Variants in RDH14 observed in about 807,000 individuals in gnomAD.
RDH14 encodes the protein alcohol dehydrogenase PAN2.
A neutral mutation model predicts 19.3 loss-of-function variants in RDH14; 17 were observed. The ratio of observed to expected loss-of-function variants is 0.88; its 90% CI spans 0.60 to 1.32. The LOEUF (loss-of-function observed/expected upper bound fraction) is 1.32. RDH14 is among the 40% of genes most tolerant of loss of function. The probability of loss-of-function intolerance (pLI) is 0.00; values close to 1 mark genes in which losing one functional copy is unlikely to be tolerated. For missense variants in RDH14, 534 were observed against 449.2 expected (o/e 1.19, Z -1.71); for synonymous variants, 215 against 188.9 (o/e 1.14, Z -1.13).
At chr2:18,558,873 G>C (rs1313509234) in intron 1 of RDH14, among the ~76,000 whole-genome samples, 1 of 152,144 alleles carries the variant, frequency 6.6e-6, no homozygotes, top group Non-Finnish European at 1.5e-5. Context: ...CCCACTTCGA[G>C]TTGTCCCACT....
chr2:18,560,407 C>A lies in RDH14; in HGVS notation c.166G>T (p.Gly56Cys). ...AGTAGCTCGGCGGCCGTGGCGCGGC[C>A]CAGGCCGCTGTTCGCCCCGGTGATC... is the stretch of plus-strand genomic sequence containing the variant. The part of the protein sequence containing the change: ...VLITGANSGL[G>C]RATAAELLRL... The change falls in exon 1 of 2, where the codon GGC becomes TGC. Residue 56 changes from glycine to cysteine, a missense_variant. Gly to Cys is a radical substitution (Grantham distance 159). Coordinates refer to ENST00000381249, the MANE Select transcript of RDH14 (RefSeq NM_020905.4). The A allele has an allele frequency of 6.7e-7, 1 of 1,498,692 alleles. No homozygotes were observed. Among genetic ancestry groups the A allele is most frequent in the Non-Finnish European group, 8.8e-7 (1 of 1,133,118 alleles). The allele number at this position is 1,498,692 out of a possible 1,614,324, so 92.8% of individuals were successfully genotyped here.
At chr2:18,555,852 C>A (rs200910170) in intron 1 of RDH14, 44 bp from the exon 2 acceptor site, 23 of 1,538,060 alleles carry the variant, frequency 1.5e-5, no homozygotes, top group Admixed American at 2.1e-5. Context: ...TAAGAACACA[C>A]GCCTTGTATT....
rs1045062326 is a variant in RDH14, at chr2:18,560,275, C to G, written c.298G>C (p.Glu100Gln). Reference protein sequence around the residue: ...ELRQAAECGPEPGVSGVGELI... With the variant: ...ELRQAAECGPQPGVSGVGELI... ...TCGCCCACCCCGCTGACGCCAGGCT[C>G]TGGGCCGCACTCCGCGGCCTGGCGG... Residue 100 changes from glutamate (E) to glutamine (Q), a missense_variant, in exon 1 of 2, where the codon GAG (glutamate) becomes CAG (glutamine). Coordinates refer to ENST00000381249, the MANE Select transcript of RDH14 (RefSeq NM_020905.4). The G allele has an allele frequency of 3.3e-6, 5 of 1,500,190 alleles. No homozygotes were observed. The highest frequency in any genetic ancestry group is 4.4e-6 in the Non-Finnish European group (5 of 1,132,442). The allele number at this position is 1,500,190 out of a possible 1,614,324, so 92.9% of individuals were successfully genotyped here.
Position 18,560,649 on chromosome 2 carries a change from T to A in RDH14, c.-77A>T, listed in dbSNP as rs543329732. 68 of 1,359,340 alleles carry A rather than the reference T, an allele frequency of 5.0e-5. No individual in the cohort carries two copies. In the South Asian group the frequency reaches 1.0e-3, roughly 20 times the overall value. The allele number at this position is 1,359,340 out of a possible 1,614,324, so 84.2% of individuals were successfully genotyped here. ...CCTTACCGGAACCCAAGAGACCACC[T>A]GTACGCGGAGAACGCTGGGGCGCGG... On this transcript the variant is annotated 5_prime_UTR_variant, in exon 1 of 2. Coordinates refer to ENST00000381249, the MANE Select transcript of RDH14 (RefSeq NM_020905.4).
intron 1 of RDH14, among the ~76,000 whole-genome samples, chr2:18,558,566 C>G (rs748798330): frequency 1.3e-5 from 2 of 152,240 alleles, no homozygotes; most frequent in Non-Finnish European, 2.9e-5. Flanking sequence ...CCCTAAAACA[C>G]TTCTGTTGAA....
At position 18,555,547 on chromosome 2, in the gene RDH14, G is replaced by A. The variant is rs1217509093; in HGVS notation, c.655C>T (p.Arg219Trp). The change falls in exon 2 of 2, where the codon CGG becomes TGG. Residue 219 changes from arginine to tryptophan, a missense_variant. By Grantham distance (101) the Arg-to-Trp change is moderately radical. Transcript: ENST00000381249. ...QSYNKSFCYSRSKLANILFTR... is the reference protein window; with the variant it reads ...QSYNKSFCYSWSKLANILFTR... Reference sequence around the variant, plus strand: ...AAAAGAATGTTAGCCAGTTTGCTCCGGCTATAACAAAAGCTTTTATTATAG... The same window carrying A: ...AAAAGAATGTTAGCCAGTTTGCTCCAGCTATAACAAAAGCTTTTATTATAG... 8.7e-6 allele frequency: 14 copies of A among 1,613,940 alleles called. No individual in the cohort carries two copies. The highest frequency in any genetic ancestry group is 1.3e-5 in the African/African-American group (1 of 74,886).
Position 18,554,953 on chromosome 2 carries a change from T to C in RDH14, c.*238A>G, listed in dbSNP as rs571341274. 2.6e-5 allele frequency: 11 copies of C among 422,770 alleles called. No homozygotes were observed. The East Asian group carries it at 4.3e-4, about 16-fold the overall frequency. 26.2% of individuals were successfully genotyped at this position (422,770 alleles called of 1,614,324 possible). ...TATAATTTTACAATATAATTGTATT[T>C]TTCATTGTACTTATTATTCATTATA... On this transcript the variant is annotated 3_prime_UTR_variant, in exon 2 of 2. Transcript: ENST00000381249.
At position 18,555,699 on chromosome 2, in the gene RDH14, T is replaced by C. The variant is rs1159556026; in HGVS notation, c.503A>G (p.His168Arg). ...AAGGAGAAGATTGGTGAGTAGAAAGTGCCCCAGATGGTTCACTCCGAACTG... is the reference window on the plus strand; with the variant it reads ...AAGGAGAAGATTGGTGAGTAGAAAGCGCCCCAGATGGTTCACTCCGAACTG... ...EMQFGVNHLG[H>R]FLLTNLLLGL... Residue 168 changes from histidine (H) to arginine (R), a missense_variant, in exon 2 of 2, where the codon CAC (histidine) becomes CGC (arginine). By Grantham distance (29) the His-to-Arg change is conservative. Coordinates refer to ENST00000381249, the MANE Select transcript of RDH14 (RefSeq NM_020905.4). 2 of 1,614,120 alleles carry C rather than the reference T, an allele frequency of 1.2e-6. No individual in the cohort carries two copies. The highest frequency in any genetic ancestry group is 2.2e-5 in the South Asian group (2 of 91,078).
At position 18,555,052 on chromosome 2, in the gene RDH14, T is replaced by C. The variant is rs980650202; in HGVS notation, c.*139A>G. On this transcript the variant is annotated 3_prime_UTR_variant, in exon 2 of 2. Coordinates refer to ENST00000381249, the MANE Select transcript of RDH14 (RefSeq NM_020905.4). ...AAATAATTTTTCAGTAACTCCAAAA[T>C]ACCCACATGTACCTCTTAGCAGGCT... The C allele has an allele frequency of 7.5e-7, 1 of 1,338,450 alleles. No homozygotes were observed. The highest frequency in any genetic ancestry group is 1.5e-5 in the African/African-American group (1 of 68,294). The allele number at this position is 1,338,450 out of a possible 1,614,324, so 82.9% of individuals were successfully genotyped here. A position where few individuals can be genotyped will look rare whatever the true frequency, so the allele number is the denominator to read the frequency against.
chr2:18,556,596 C>G (rs1398445055), intron 1 of RDH14, among the ~76,000 whole-genome samples: 1 of 152,168 alleles, frequency 6.6e-6, no homozygotes, highest in East Asian at 1.9e-4. Context: ...GGCTAGGTGA[C>G]TTGCCCAGTA....
chr2:18,554,728 A>T lies in RDH14; in HGVS notation c.*463T>A, dbSNP rs1018089574. The T allele has an allele frequency of 8.3e-5, 14 of 167,954 alleles. No homozygotes were observed. Among genetic ancestry groups the T allele is most frequent in the Admixed American group, 7.8e-4 (14 of 18,022 alleles). The allele number at this position is 167,954 out of a possible 1,614,324, so 10.4% of individuals were successfully genotyped here. ...GCCTCCAAAGAAATGCACAGTTAAG[A>T]ATTTGTACCAGTAAATTTATTCCAA... On this transcript the variant is annotated 3_prime_UTR_variant, in exon 2 of 2. Coordinates refer to ENST00000381249, the MANE Select transcript of RDH14 (RefSeq NM_020905.4).
At position 18,555,394 on chromosome 2, in the gene RDH14, A is replaced by G. The variant is rs747683166; in HGVS notation, c.808T>C (p.Leu270=). ...GTTTTGAAAAAAGCCCATGACACCAAATTGAAGAGTGGTTTGACCAACAGT... is the reference window on the plus strand; with the variant it reads ...GTTTTGAAAAAAGCCCATGACACCAGATTGAAGAGTGGTTTGACCAACAGT... ...IPLLVKPLFN[L]VSWAFFKTPV... Residue 270 remains leucine (L), a synonymous_variant, in exon 2 of 2, where the codon TTG becomes CTG. Coordinates refer to ENST00000381249, the MANE Select transcript of RDH14 (RefSeq NM_020905.4). The G allele has an allele frequency of 5.0e-6, 8 of 1,614,116 alleles. No homozygotes were observed. The Middle Eastern group carries it at 4.9e-4, about 100-fold the overall frequency.
rs1663869520 is a variant in RDH14 at position 18,555,020 on chromosome 2, A to G, written c.*171T>C. 4.3e-6 allele frequency: 4 copies of G among 931,334 alleles called. No homozygotes were observed. The highest frequency in any genetic ancestry group is 3.3e-5 in the African/African-American group (2 of 60,138). 57.7% of individuals were successfully genotyped at this position (931,334 alleles called of 1,614,324 possible). On this transcript the variant is annotated 3_prime_UTR_variant, in exon 2 of 2. Transcript: ENST00000381249. ...AAAACATCTTTGCTGAAATTCTCTTATCCCAAAAATAATTTTTCAGTAACT... is the reference window on the plus strand; with the variant it reads ...AAAACATCTTTGCTGAAATTCTCTTGTCCCAAAAATAATTTTTCAGTAACT...
intron 1 of RDH14, among the ~76,000 whole-genome samples, chr2:18,558,876 G>C (rs529820797): frequency 6.6e-6 from 1 of 152,276 alleles, no homozygotes; most frequent in East Asian, 1.9e-4. Flanking sequence ...ACTTCGAGTT[G>C]TCCCACTTTT....
chr2:18,556,647 T>C (rs139078662), intron 1 of RDH14, among the ~76,000 whole-genome samples: 1 of 152,210 alleles, frequency 6.6e-6, no homozygotes, highest in South Asian at 2.1e-4. Flanking sequence ...GATCTGAAGA[T>C]GAAGTCTTTG....
chr2:18,560,220 G>C lies in RDH14; in HGVS notation c.353C>G (p.Ser118Trp). 3 of 1,527,784 alleles carry C rather than the reference G, an allele frequency of 2.0e-6. No individual in the cohort carries two copies. The highest frequency in any genetic ancestry group is 2.6e-6 in the Non-Finnish European group (3 of 1,143,928). The allele number at this position is 1,527,784 out of a possible 1,614,324, so 94.6% of individuals were successfully genotyped here. A position where few individuals can be genotyped will look rare whatever the true frequency, so the allele number is the denominator to read the frequency against. Residue 118 changes from serine to tryptophan, a missense_variant, in exon 1 of 2, where the codon TCG becomes TGG. Physicochemically the swap from Ser to Trp is radical, Grantham distance 177. Transcript: ENST00000381249. ...GCAGAAGGCGCGCACCGAGCGCAGC[G>C]AGGCGAGGTCCAGCTCCCGGACTAT... ...ELIVRELDLA[S>W]LRSVRAFCQE...
At chr2:18,556,225 G>A (rs1663914669) in intron 1 of RDH14, among the ~76,000 whole-genome samples, 2 of 152,102 alleles carry the variant, frequency 1.3e-5, no homozygotes, top group Non-Finnish European at 2.9e-5. Context: ...TTAGAAAGTT[G>A]ACTACGTGAT....
chr2:18,558,630 A>G (rs984118065), intron 1 of RDH14, among the ~76,000 whole-genome samples: 1 of 152,224 alleles, frequency 6.6e-6, no homozygotes, highest in Non-Finnish European at 1.5e-5. Flanking sequence ...CAAGTGCCAA[A>G]CAAAAGACAG....
chr2:18,555,527 A>G lies in RDH14; in HGVS notation c.675T>C (p.Ile225=). Residue 225 remains isoleucine (I), a synonymous_variant, in exon 2 of 2, where the codon ATT becomes ATC. Coordinates refer to ENST00000381249, the MANE Select transcript of RDH14 (RefSeq NM_020905.4). ...GGCGGGCTAGTTCCCTGGTAAAAAG[A>G]ATGTTAGCCAGTTTGCTCCGGCTAT... ...FCYSRSKLAN[I]LFTRELARRL... 1.9e-6 allele frequency: 3 copies of G among 1,614,178 alleles called. No individual in the cohort carries two copies. The highest frequency in any genetic ancestry group is 2.5e-6 in the Non-Finnish European group (3 of 1,180,006).
Sources: gnomAD v4.1 joint callset for allele counts (sites outside exome capture counted in the v4.1 genomes callset) on GRCh38, gnomAD v4.1.1 for gene constraint, MANE v1.5 for transcripts, NCBI Gene and HGNC (gene_info 2026-07-23, HGNC 2026-07-21) for gene names.